Variants in RNMT observed in about 807,000 individuals in gnomAD.
RNMT encodes RNA guanine-7 methyltransferase.
Under a neutral mutation model 56.0 loss-of-function variants are expected in RNMT, and 27 were observed. That is an observed-to-expected ratio of 0.48 (90% CI 0.36 to 0.67). RNMT has a LOEUF of 0.67. RNMT is among the 30% of genes least tolerant of loss of function. The pLI, the probability that RNMT is intolerant of heterozygous loss-of-function variation, is 0.00. For missense variants in RNMT, 519 were observed against 552.1 expected (o/e 0.94, Z 0.60); for synonymous variants, 184 against 176.2 (o/e 1.04, Z -0.35).
intron 8 of RNMT, among the ~76,000 whole-genome samples, chr18:13,743,955 CT>C: frequency 6.6e-6 from 1 of 151,738 alleles, no homozygotes; most frequent in Non-Finnish European, 1.5e-5. Flanking sequence ...TTACATTTTC[CT>C]TTTAATTTTT....
chr18:13,745,951 C>T (rs572173809), intron 8 of RNMT, among the ~76,000 whole-genome samples: 7 of 152,160 alleles, frequency 4.6e-5, no homozygotes, highest in South Asian at 2.1e-4. Context: ...ACACTTTTTC[C>T]GCATCTCACA....
chr18:13,761,452 T>A lies in RNMT; in HGVS notation c.*1473T>A. On this transcript the variant is annotated 3_prime_UTR_variant, in exon 12 of 12. Transcript: ENST00000383314. Reference sequence around the variant, plus strand: ...GTGCCAGGAAGTATATTGATAGCTTTGTAGGTACAGGAAAAACATCATCAT... The same window carrying A: ...GTGCCAGGAAGTATATTGATAGCTTAGTAGGTACAGGAAAAACATCATCAT... 1 of 986,158 alleles carries A rather than the reference T, an allele frequency of 1.0e-6. No individual in the cohort carries two copies. The highest frequency in any genetic ancestry group is 1.2e-6 in the Non-Finnish European group (1 of 830,418). The allele number at this position is 986,158 out of a possible 1,614,324, so 61.1% of individuals were successfully genotyped here.
At chr18:13,759,844 T>G in intron 11 of RNMT, 98 bp from the exon 12 acceptor site, 21 of 1,023,310 alleles carry the variant, frequency 2.1e-5, no homozygotes, top group Middle Eastern at 2.4e-4. Flanking sequence ...AGAAGCTGCT[T>G]GAGAGCCTAA....
Position 13,761,863 on chromosome 18 carries a change from A to ACCCCCC in RNMT, c.*1884_*1885insCCCCCC. On this transcript the variant is annotated 3_prime_UTR_variant, in exon 12 of 12. Transcript: ENST00000383314. ...CCTACACCCCCCTCCCCCCGGCCCC[A>ACCCCCC]AGCCCCTGTGTCTCCTTGTTACAAT... 2.1e-5 allele frequency: 7 copies of ACCCCCC among 334,474 alleles called. No individual in the cohort carries two copies. The highest frequency in any genetic ancestry group is 1.7e-5 in the Non-Finnish European group (5 of 286,790). The allele number at this position is 334,474 out of a possible 1,614,324, so 20.7% of individuals were successfully genotyped here.
chr18:13,738,710 G>T (rs2044205460), intron 5 of RNMT, among the ~76,000 whole-genome samples: 1 of 152,216 alleles, frequency 6.6e-6, no homozygotes, highest in Admixed American at 6.5e-5. Flanking sequence ...AATCAGAAAA[G>T]TATTGGGAAG....
intron 1 of RNMT, among the ~76,000 whole-genome samples, chr18:13,729,663 C>G (rs2044033834): frequency 6.6e-6 from 1 of 152,172 alleles, no homozygotes; most frequent in South Asian, 2.1e-4. Context: ...AACTAATAAC[C>G]ATTGAAACCC....
rs9956610 is a variant in RNMT, at chr18:13,760,116, A to T, written c.*137A>T. ...AGGATGCTGCCAGAAACTCCAATGTAGAAATTCAACATTTGCTGTCTGTGA... is the reference window on the plus strand; with the variant it reads ...AGGATGCTGCCAGAAACTCCAATGTTGAAATTCAACATTTGCTGTCTGTGA... On this transcript the variant is annotated 3_prime_UTR_variant, in exon 12 of 12. Transcript: ENST00000383314. The T allele has an allele frequency of 2.1e-6, 3 of 1,402,752 alleles. No homozygotes were observed. The highest frequency in any genetic ancestry group is 2.8e-6 in the Non-Finnish European group (3 of 1,074,176). The allele number at this position is 1,402,752 out of a possible 1,614,324, so 86.9% of individuals were successfully genotyped here. A position where few individuals can be genotyped will look rare whatever the true frequency, so the allele number is the denominator to read the frequency against.
rs527457381 is a variant in RNMT at position 13,758,180 on chromosome 18, C to T, written c.1394-1762C>T. ...GATTTTACATAATTCTTAAGGGCCT[C>T]GGGATTTTTGGAAGGATAAATGAGC... On this transcript the variant is annotated intron_variant, in intron 11 of 11. Transcript: ENST00000383314. Among the ~76,000 whole-genome samples the T allele has an allele frequency of 3.9e-5, 6 of 152,250 alleles. No homozygotes were observed. In the South Asian group the frequency reaches 1.2e-3, roughly 32 times the overall value.
intron 10 of RNMT, among the ~76,000 whole-genome samples, chr18:13,753,724 T>C (rs2044492569): frequency 6.6e-6 from 1 of 150,572 alleles, no homozygotes; most frequent in African/African-American, 2.5e-5. Context: ...TGAGCCAAGA[T>C]CACGCCACTG....
At position 13,761,099 on chromosome 18, in the gene RNMT, C is replaced by T. The variant is rs2044613961; in HGVS notation, c.*1120C>T. 1 of 984,438 alleles carries T rather than the reference C, an allele frequency of 1.0e-6. No individual in the cohort carries two copies. The highest frequency in any genetic ancestry group is 1.1e-4 in the East Asian group (1 of 8,816). 61.0% of individuals were successfully genotyped at this position (984,438 alleles called of 1,614,324 possible). On this transcript the variant is annotated 3_prime_UTR_variant, in exon 12 of 12. Transcript: ENST00000383314. ...TAAGCCATGATTTACAAAAACATTA[C>T]TTTCTGTAATTCACAATACTTGTTT...
At chr18:13,727,223 G>A (rs1422703274) in intron 1 of RNMT, among the ~76,000 whole-genome samples, 1 of 152,222 alleles carries the variant, frequency 6.6e-6, no homozygotes, top group African/African-American at 2.4e-5. Context: ...TTATCCCGGC[G>A]GCCCTGGCGG....
chr18:13,735,500 C>CTTTTTTTTTT (rs5823269), intron 4 of RNMT, among the ~76,000 whole-genome samples: 1 of 138,268 alleles, frequency 7.2e-6, no homozygotes, highest in African/African-American at 2.7e-5. Context: ...TGAGTGTTCA[C>CTTTTTTTTTT]TTTTTTTTTT....
At chr18:13,745,349 G>A (rs768696982) in intron 8 of RNMT, among the ~76,000 whole-genome samples, 6 of 152,150 alleles carry the variant, frequency 3.9e-5, no homozygotes, top group Non-Finnish European at 7.4e-5. Flanking sequence ...TTTATGGACT[G>A]GTGCCACTGA....
At chr18:13,742,748 AG>A in intron 8 of RNMT, 96 bp downstream of exon 8, 2 of 895,512 alleles carry the variant, frequency 2.2e-6, no homozygotes, top group Non-Finnish European at 3.3e-6. Context: ...ATTTTAAATG[AG>A]GGCTAAAGAA....
At chr18:13,733,295 A>G (rs893226991) in intron 3 of RNMT, among the ~76,000 whole-genome samples, 1 of 152,144 alleles carries the variant, frequency 6.6e-6, no homozygotes, top group Non-Finnish European at 1.5e-5. Context: ...AGGAAGCACA[A>G]ATTGAAAACT....
At chr18:13,748,893 A>T (rs950411202) in intron 9 of RNMT, among the ~76,000 whole-genome samples, 1 of 152,156 alleles carries the variant, frequency 6.6e-6, no homozygotes, top group Non-Finnish European at 1.5e-5. Context: ...CAGCCTGGCC[A>T]ACATGGTAAA....
intron 4 of RNMT, among the ~76,000 whole-genome samples, 187 bp downstream of exon 4, chr18:13,734,786 TA>T (rs559878225): frequency 3.1e-4 from 47 of 152,358 alleles, no homozygotes; most frequent in Admixed American, 7.8e-4. Flanking sequence ...CAGAAGGCAA[TA>T]TTTTTTTTAA....
In RNMT at chr18:13,731,537, C is replaced by T. The variant is rs1170731019; in HGVS notation, c.20C>T (p.Ala7Val). 3 of 1,593,928 alleles carry T rather than the reference C, an allele frequency of 1.9e-6. No homozygotes were observed. Among genetic ancestry groups the T allele is most frequent in the Non-Finnish European group, 2.6e-6 (3 of 1,172,090 alleles). ...TCATAAATGGCAAATTCTGCAAAAGCAGAAGAATATGAAAAGATGTCTCTT... is the reference window on the plus strand; with the variant it reads ...TCATAAATGGCAAATTCTGCAAAAGTAGAAGAATATGAAAAGATGTCTCTT... MANSAK[A>V]EEYEKMSLEQ... The change falls in exon 3 of 12, where the codon GCA becomes GTA. Residue 7 changes from alanine to valine, a missense_variant. Physicochemically the swap from Ala to Val is moderately conservative, Grantham distance 64 (BLOSUM62 0). Transcript: ENST00000383314.
intron 3 of RNMT, among the ~76,000 whole-genome samples, chr18:13,733,486 T>G (rs752034213): frequency 3.9e-5 from 6 of 152,154 alleles, no homozygotes; most frequent in Admixed American, 1.3e-4. Flanking sequence ...CAAGCGATTC[T>G]CCTGCCTCAG....
Sources: allele counts gnomAD v4.1 joint callset (sites outside exome capture counted in the v4.1 genomes callset), GRCh38; gene constraint gnomAD v4.1.1; transcripts MANE v1.5; gene names NCBI Gene and HGNC (gene_info 2026-07-23, HGNC 2026-07-21).